Variants in EIF2B3 observed in about 807,000 individuals in gnomAD.
EIF2B3 encodes translation initiation factor eIF2B subunit gamma.
In EIF2B3, 20 loss-of-function variants were observed where a neutral mutation model predicts 54.1. That is an observed-to-expected ratio of 0.37 (90% CI 0.26 to 0.54). The LOEUF (loss-of-function observed/expected upper bound fraction) is 0.54. EIF2B3 is among the 20% of genes least tolerant of loss of function. The probability of loss-of-function intolerance (pLI) is 0.86; values close to 1 mark genes in which losing one functional copy is unlikely to be tolerated. For synonymous variants in EIF2B3, 153 were observed against 188.1 expected (o/e 0.81, Z 1.52); for missense variants, 448 against 547.8 (o/e 0.82, Z 1.82).
intron 10 of EIF2B3, among the ~76,000 whole-genome samples, chr1:44,859,850 G>A (rs976501565): frequency 3.3e-5 from 5 of 151,542 alleles, no homozygotes; most frequent in South Asian, 2.1e-4. Flanking sequence ...TCTGTCTCCC[G>A]GGTTCAAGCA....
chr1:44,941,369 G>A, intron 4 of EIF2B3, 137 bp downstream of exon 4: 2 of 1,014,796 alleles, frequency 2.0e-6, no homozygotes, highest in Non-Finnish European at 2.8e-6. Context: ...TGTCTTATTT[G>A]ACTTTATGTC....
In EIF2B3 at chr1:44,951,952, T is replaced by C. The variant is rs1476356046; in HGVS notation, c.295-10287A>G. ...ACAGGGGCGCACCACCATGCCTGGC[T>C]AATTTTTTTTTTTTTTTTTTTTTTT... On this transcript the variant is annotated intron_variant, in intron 3 of 11. Transcript: ENST00000360403. Among the ~76,000 whole-genome samples, 9 of 96,198 alleles carry C rather than the reference T, an allele frequency of 9.4e-5. No individual in the cohort carries two copies. In the South Asian group the frequency reaches 1.1e-3, roughly 11 times the overall value. 63.1% of individuals were successfully genotyped at this position (96,198 alleles called of 152,430 possible).
chr1:44,893,398 C>A (rs1211937669), intron 6 of EIF2B3, among the ~76,000 whole-genome samples: 3 of 152,178 alleles, frequency 2.0e-5, no homozygotes, highest in Admixed American at 1.3e-4. Context: ...CTTTCAAGTG[C>A]AAATCATGTG....
At chr1:44,923,769 C>T (rs1412479232) in intron 5 of EIF2B3, among the ~76,000 whole-genome samples, 1 of 150,956 alleles carries the variant, frequency 6.6e-6, no homozygotes, top group Non-Finnish European at 1.5e-5. Flanking sequence ...CTTTTCCTCC[C>T]TTCCTTCCTC....
chr1:44,957,363 T>A (rs911109015), intron 3 of EIF2B3, among the ~76,000 whole-genome samples: 11 of 152,218 alleles, frequency 7.2e-5, no homozygotes, highest in African/African-American at 2.7e-4. Context: ...AAACTGAAGG[T>A]ACTTTTAAAA....
intron 10 of EIF2B3, 111 bp downstream of exon 10, chr1:44,874,567 A>G (rs1655058644): frequency 1.7e-6 from 2 of 1,205,022 alleles, no homozygotes; most frequent in Admixed American, 2.3e-5. Flanking sequence ...TGCCCTCTTG[A>G]TTAGCACTTT....
In EIF2B3 at chr1:44,874,910, A is replaced by G. The variant is rs572682440; in HGVS notation, c.1054-84T>C. ...TCCAGATCCCTCAAGCTGGGATCTA[A>G]TGGGATCTTTCCATAGAGACACTTC... is the stretch of plus-strand genomic sequence containing the variant. On this transcript the variant is annotated intron_variant, in intron 9 of 11. Transcript: ENST00000360403. The G allele has an allele frequency of 1.9e-6, 3 of 1,538,518 alleles. No individual in the cohort carries two copies. The South Asian group carries it at 3.4e-5, about 17-fold the overall frequency.
chr1:44,856,972 T>C (rs1281580006), intron 11 of EIF2B3, among the ~76,000 whole-genome samples: 1 of 152,006 alleles, frequency 6.6e-6, no homozygotes, highest in Non-Finnish European at 1.5e-5. Flanking sequence ...GCCTGGCTAA[T>C]TTTTAATTTT....
At chr1:44,960,234 T>C (rs1644269490) in intron 3 of EIF2B3, among the ~76,000 whole-genome samples, 1 of 152,164 alleles carries the variant, frequency 6.6e-6, no homozygotes, top group Non-Finnish European at 1.5e-5. Flanking sequence ...CCTCTGTATC[T>C]GCAGGTACTG....
At chr1:44,948,301 A>G (rs1644124601) in intron 3 of EIF2B3, among the ~76,000 whole-genome samples, 1 of 152,174 alleles carries the variant, frequency 6.6e-6, no homozygotes. Flanking sequence ...AAATCCGCCC[A>G]TAGTCCAGGA....
At chr1:44,964,539 T>C (rs1644317200) in intron 3 of EIF2B3, among the ~76,000 whole-genome samples, 1 of 152,260 alleles carries the variant, frequency 6.6e-6, no homozygotes, top group Non-Finnish European at 1.5e-5. Flanking sequence ...TCAGTCTTTC[T>C]AATAAGCTGT....
intron 8 of EIF2B3, among the ~76,000 whole-genome samples, chr1:44,876,477 C>A (rs1228863895): frequency 1.5e-5 from 2 of 134,348 alleles, no homozygotes; most frequent in African/African-American, 5.7e-5. Context: ...GGCAGCCGCC[C>A]CGTCTGAGAA....
In EIF2B3 at chr1:44,933,454, GAC is replaced by G. The variant is rs34689910; in HGVS notation, c.455-6717_455-6716del. The stretch of plus-strand genomic sequence containing the variant: ...TAATTCTTAAAGCTAAAAAAATTAA[GAC>G]ACAGAAAATAAAAGCACGTTATTTG... On this transcript the variant is annotated intron_variant, in intron 4 of 11. Coordinates refer to ENST00000360403, the MANE Select transcript of EIF2B3 (RefSeq NM_020365.5). Among the ~76,000 whole-genome samples, 1,028 of 152,138 alleles carry G rather than the reference GAC, an allele frequency of 6.8e-3. 13 individuals carry two copies. The highest frequency in any genetic ancestry group is 0.023 in the African/African-American group (975 of 41,500).
At chr1:44,865,439 G>C (rs1654741492) in intron 10 of EIF2B3, among the ~76,000 whole-genome samples, 1 of 152,108 alleles carries the variant, frequency 6.6e-6, no homozygotes, top group African/African-American at 2.4e-5. Flanking sequence ...ATATTCTGTA[G>C]TCTGTGCATA....
At chr1:44,868,397 C>CAAA (rs34094245) in intron 10 of EIF2B3, among the ~76,000 whole-genome samples, 244 of 65,258 alleles carry the variant, frequency 3.7e-3, no homozygotes, top group East Asian at 8.7e-3. Context: ...GACTCCGTCT[C>CAAA]AAAAAAAAAA....
chr1:44,865,336 C>A (rs1164343869), intron 10 of EIF2B3, among the ~76,000 whole-genome samples: 1 of 151,628 alleles, frequency 6.6e-6, no homozygotes, highest in Non-Finnish European at 1.5e-5. Flanking sequence ...GATGTCTTTT[C>A]TTTGGTTCAC....
At chr1:44,861,709 A>G (rs1434174295) in intron 10 of EIF2B3, among the ~76,000 whole-genome samples, 1 of 152,180 alleles carries the variant, frequency 6.6e-6, no homozygotes, top group East Asian at 1.9e-4. Context: ...CACATAAACC[A>G]CTGCTGTGGA....
At chr1:44,879,200 C>T (rs564724453) in intron 8 of EIF2B3, among the ~76,000 whole-genome samples, 1 of 152,202 alleles carries the variant, frequency 6.6e-6, no homozygotes, top group East Asian at 1.9e-4. Flanking sequence ...CTTTACTGTC[C>T]CCCTCTCCAC....
intron 10 of EIF2B3, among the ~76,000 whole-genome samples, chr1:44,868,322 C>T (rs1654848499): frequency 1.4e-5 from 2 of 146,524 alleles, no homozygotes; most frequent in Admixed American, 7.0e-5. Context: ...GGTGTGAACC[C>T]GGGAGGCGGA....
Sources: gnomAD v4.1 joint callset for allele counts (sites outside exome capture counted in the v4.1 genomes callset) on GRCh38, gnomAD v4.1.1 for gene constraint, MANE v1.5 for transcripts, NCBI Gene and HGNC (gene_info 2026-07-23, HGNC 2026-07-21) for gene names.